Variants in CSMD1 observed in about 807,000 individuals in gnomAD.
CSMD1 encodes the protein CUB and sushi domain-containing protein 1.
A neutral mutation model predicts 417.5 loss-of-function variants in CSMD1; 213 were observed. That is an observed-to-expected ratio of 0.51 (90% CI 0.46 to 0.57). The LOEUF (loss-of-function observed/expected upper bound fraction) is 0.57. Ranked by LOEUF, CSMD1 falls within the 20% of genes least tolerant of loss-of-function variation. The pLI is 0.00. For missense variants in CSMD1, 6,923 were observed against 4,529.7 expected (o/e 1.53, Z -15.17); for synonymous variants, 2,862 against 1,736.8 (o/e 1.65, Z -16.11).
At chr8:3,320,783 C>T (rs761450001) in intron 23 of CSMD1, among the ~76,000 whole-genome samples, 1 of 152,306 alleles carries the variant, frequency 6.6e-6, no homozygotes, top group Admixed American at 6.5e-5. Flanking sequence ...GGGCTTATTC[C>T]TGAGGCATTA....
intron 10 of CSMD1, among the ~76,000 whole-genome samples, chr8:3,516,121 G>A (rs752743117): frequency 2.0e-5 from 3 of 152,182 alleles, no homozygotes; most frequent in Non-Finnish European, 4.4e-5. Context: ...ACAGAAAGAG[G>A]AGGAACAGAA....
intron 5 of CSMD1, among the ~76,000 whole-genome samples, chr8:3,774,326 C>T (rs1002850184): frequency 3.9e-5 from 6 of 152,124 alleles, no homozygotes; most frequent in Non-Finnish European, 7.3e-5. Flanking sequence ...GTAGAGTACA[C>T]AGTGCCTGAG....
At chr8:4,446,775 G>GTC (rs1798833694) in intron 2 of CSMD1, among the ~76,000 whole-genome samples, 1 of 146,824 alleles carries the variant, frequency 6.8e-6, no homozygotes, top group African/African-American at 2.6e-5. Context: ...GTGTGTGTGT[G>GTC]TGTGTGTGTG....
intron 4 of CSMD1, among the ~76,000 whole-genome samples, chr8:4,022,274 TTATG>T (rs1475155822): frequency 6.6e-6 from 1 of 151,168 alleles, no homozygotes; most frequent in African/African-American, 2.4e-5. Context: ...TGCTTATCTC[TTATG>T]TATTTCAGAT....
intron 8 of CSMD1, among the ~76,000 whole-genome samples, chr8:3,587,740 C>A (rs1305949734): frequency 6.6e-6 from 1 of 152,048 alleles, no homozygotes; most frequent in African/African-American, 2.4e-5. Context: ...GGCATCTCAT[C>A]TTAATAAAAC....
At chr8:3,172,350 T>C (rs1223859678) in intron 37 of CSMD1, among the ~76,000 whole-genome samples, 2 of 152,202 alleles carry the variant, frequency 1.3e-5, no homozygotes, top group African/African-American at 2.4e-5. Context: ...TAAGTGTTTT[T>C]ATGGCTGACT....
chr8:3,439,309 A>ATATATATATATTT lies in CSMD1; in HGVS notation c.1561+29402_1561+29403insAAATATATATATA. ...TATATATATATATATATATATATAT[A>ATATATATATATTT]TTTTTTTTTTTAATATGTATTTTTA... On this transcript the variant is annotated intron_variant, in intron 12 of 69. Transcript: ENST00000635120. Among the ~76,000 whole-genome samples the ATATATATATATTT allele has an allele frequency of 1.8e-3, 115 of 62,388 alleles. 2 individuals are homozygous for ATATATATATATTT. Among genetic ancestry groups the ATATATATATATTT allele is most frequent in the South Asian group, 4.5e-3 (6 of 1,326 alleles). 40.9% of individuals were successfully genotyped at this position (62,388 alleles called of 152,430 possible).
intron 3 of CSMD1, among the ~76,000 whole-genome samples, chr8:4,177,406 G>C (rs556951217): frequency 2.0e-5 from 3 of 151,998 alleles, no homozygotes; most frequent in Admixed American, 6.6e-5. Flanking sequence ...CAACATACCA[G>C]AATCTCTGGG....
chr8:3,677,645 T>C lies in CSMD1; in HGVS notation c.1009+30769A>G, dbSNP rs1449251217. On this transcript the variant is annotated intron_variant, in intron 7 of 69. Transcript: ENST00000635120. ...TCTTTTAAGCAAAACCTCCAGCTATTGACATGAAAAGATATCTATCCTTTA... is the reference window on the plus strand; with the variant it reads ...TCTTTTAAGCAAAACCTCCAGCTATCGACATGAAAAGATATCTATCCTTTA... Among the ~76,000 whole-genome samples the C allele has an allele frequency of 2.0e-5, 3 of 152,164 alleles. No individual in the cohort carries two copies. The East Asian group carries it at 5.8e-4, about 29-fold the overall frequency.
rs1291979256 is a variant in CSMD1 at position 3,397,955 on chromosome 8, G to C, written c.2405+1436C>G. On this transcript the variant is annotated intron_variant, in intron 16 of 69. Coordinates refer to ENST00000635120, the MANE Select transcript of CSMD1 (RefSeq NM_033225.6). Reference sequence around the variant, plus strand: ...TTTCCTTATGCAATTCATCTTTTAAGAGCTGTGTACTATGTCTAGAGTACA... The same window carrying C: ...TTTCCTTATGCAATTCATCTTTTAACAGCTGTGTACTATGTCTAGAGTACA... Among the ~76,000 whole-genome samples, 4 of 152,136 alleles carry C rather than the reference G, an allele frequency of 2.6e-5. No individual in the cohort carries two copies. In the South Asian group the frequency reaches 6.2e-4, roughly 24 times the overall value.
At chr8:4,759,169 G>T (rs1223554616) in intron 1 of CSMD1, among the ~76,000 whole-genome samples, 1 of 152,178 alleles carries the variant, frequency 6.6e-6, no homozygotes, top group Admixed American at 6.5e-5. Flanking sequence ...CCTGCCTGCA[G>T]CTATAATTCT....
At chr8:4,825,028 T>C (rs543430258) in intron 1 of CSMD1, among the ~76,000 whole-genome samples, 11 of 152,126 alleles carry the variant, frequency 7.2e-5, no homozygotes, top group Admixed American at 2.6e-4. Context: ...ACTTAGGTTT[T>C]TATCCTTTTT....
chr8:4,452,406 T>G (rs1417150493), intron 2 of CSMD1, among the ~76,000 whole-genome samples: 2 of 152,258 alleles, frequency 1.3e-5, no homozygotes, highest in African/African-American at 4.8e-5. Context: ...GGTTCAGAGG[T>G]TCATGTTCTT....
chr8:4,665,111 C>A (rs1245781743), intron 1 of CSMD1, among the ~76,000 whole-genome samples: 1 of 152,144 alleles, frequency 6.6e-6, no homozygotes, highest in Non-Finnish European at 1.5e-5. Flanking sequence ...CAGCCCTGCC[C>A]TCTGTATTTC....
chr8:4,896,791 C>A (rs530089907), intron 1 of CSMD1, among the ~76,000 whole-genome samples: 251 of 151,956 alleles, frequency 1.7e-3, no homozygotes, highest in Non-Finnish European at 2.2e-3. Context: ...AGGGCTCCAG[C>A]GGGGTAGGGC....
intron 5 of CSMD1, among the ~76,000 whole-genome samples, chr8:3,973,441 T>A (rs1254303001): frequency 1.3e-5 from 2 of 152,208 alleles, no homozygotes; most frequent in Non-Finnish European, 2.9e-5. Flanking sequence ...TTATAAAAAT[T>A]TTTTGAAAAT....
At chr8:3,075,924 G>T (rs574635215) in intron 49 of CSMD1, among the ~76,000 whole-genome samples, 2 of 151,310 alleles carry the variant, frequency 1.3e-5, no homozygotes, top group African/African-American at 4.9e-5. Context: ...GGTGGCGGGC[G>T]CCTGTAGTCC....
chr8:3,628,841 G>T (rs1018684367), intron 7 of CSMD1, among the ~76,000 whole-genome samples: 1 of 151,496 alleles, frequency 6.6e-6, no homozygotes, highest in Non-Finnish European at 1.5e-5. Context: ...TCTTTCTTAA[G>T]TGGTTCTAGT....
At chr8:4,323,982 G>A (rs1157574055) in intron 3 of CSMD1, among the ~76,000 whole-genome samples, 1 of 152,150 alleles carries the variant, frequency 6.6e-6, no homozygotes, top group East Asian at 1.9e-4. Flanking sequence ...CTGCCTCAAG[G>A]ACTTCACTGT....
Sources: gnomAD v4.1 joint callset for allele counts (sites outside exome capture counted in the v4.1 genomes callset) on GRCh38, gnomAD v4.1.1 for gene constraint, MANE v1.5 for transcripts, NCBI Gene and HGNC (gene_info 2026-07-23, HGNC 2026-07-21) for gene names.